Variants in MYO10 observed in about 807,000 individuals in gnomAD.
MYO10 encodes the protein unconventional myosin-X.
A neutral mutation model predicts 257.3 loss-of-function variants in MYO10; 133 were observed. That is an observed-to-expected ratio of 0.52 (90% CI 0.45 to 0.60). MYO10 has a LOEUF of 0.60. MYO10 is among the 20% of genes least tolerant of loss of function. MYO10 has a pLI of 0.00. For synonymous variants in MYO10, 1,104 were observed against 1,028.6 expected (o/e 1.07, Z -1.40); for missense variants, 2,399 against 2,635.7 (o/e 0.91, Z 1.97).
At chr5:16,795,307 G>A (rs1218235691) in intron 3 of MYO10, among the ~76,000 whole-genome samples, 2 of 152,156 alleles carry the variant, frequency 1.3e-5, no homozygotes, top group African/African-American at 2.4e-5. Flanking sequence ...GGGTGATGGG[G>A]AAGTTCTGGA....
At chr5:16,744,574 C>A (rs1480101854) in intron 19 of MYO10, among the ~76,000 whole-genome samples, 1 of 152,138 alleles carries the variant, frequency 6.6e-6, no homozygotes, top group Admixed American at 6.5e-5. Flanking sequence ...CGCAGGGCTT[C>A]CTGTGCCCTT....
chr5:16,784,472 C>T (rs969666650), intron 4 of MYO10, among the ~76,000 whole-genome samples: 7 of 152,172 alleles, frequency 4.6e-5, no homozygotes, highest in Admixed American at 4.6e-4. Context: ...ACACAGTTAA[C>T]AAGGCTGGAG....
intron 2 of MYO10, among the ~76,000 whole-genome samples, chr5:16,829,571 T>G (rs929678245): frequency 2.6e-5 from 4 of 152,144 alleles, no homozygotes; most frequent in Non-Finnish European, 5.9e-5. Flanking sequence ...ATCATAAAGC[T>G]GCTGGCAGAC....
intron 19 of MYO10, among the ~76,000 whole-genome samples, chr5:16,749,904 A>T (rs1344262254): frequency 1.3e-5 from 2 of 152,156 alleles, no homozygotes; most frequent in African/African-American, 4.8e-5. Context: ...TTAATGAGAG[A>T]CTTTTCTGCC....
At chr5:16,690,910 G>C (rs1366347148) in intron 27 of MYO10, among the ~76,000 whole-genome samples, 1 of 152,074 alleles carries the variant, frequency 6.6e-6, no homozygotes, top group East Asian at 1.9e-4. Context: ...TCAGACCAGA[G>C]ATAGTAATAC....
intron 26 of MYO10, 136 bp downstream of exon 26, chr5:16,699,314 A>G: frequency 8.4e-7 from 1 of 1,193,550 alleles, no homozygotes; most frequent in Non-Finnish European, 1.1e-6. Context: ...GGGTAGGTAG[A>G]ACGACTTTCC....
At chr5:16,914,886 G>T (rs1745772080) in intron 1 of MYO10, among the ~76,000 whole-genome samples, 1 of 152,204 alleles carries the variant, frequency 6.6e-6, no homozygotes, top group Admixed American at 6.5e-5. Flanking sequence ...GACTTTGCAA[G>T]GGTGGAACTT....
At chr5:16,720,582 T>C (rs1354127845) in intron 19 of MYO10, among the ~76,000 whole-genome samples, 1 of 152,080 alleles carries the variant, frequency 6.6e-6, no homozygotes, top group Non-Finnish European at 1.5e-5. Context: ...GCCTCCCGGG[T>C]AGCTGGGATG....
Position 16,762,072 on chromosome 5 carries a change from A to C in MYO10, c.1629T>G (p.Asn543Lys). ...FYVKPRVAVNNFGVKHYAGEV... is the reference protein window; with the variant it reads ...FYVKPRVAVNKFGVKHYAGEV... ...CTCCAGCATAGTGCTTCACTCCAAA[A>C]TTGTTAACTGCAACTCTGGGCTTCA... Residue 543 changes from asparagine (N) to lysine (K), a missense_variant, in exon 16 of 41, where the codon AAT becomes AAG. By Grantham distance (94) the Asn-to-Lys change is moderately conservative (BLOSUM62 0). Around this residue, in one of 3 missense-constraint regions of MYO10, gnomAD observed 337 missense variants for 446.8 expected, o/e 0.75. Coordinates refer to ENST00000513610, the MANE Select transcript of MYO10 (RefSeq NM_012334.3). 1 of 1,535,080 alleles carries C rather than the reference A, an allele frequency of 6.5e-7. No homozygotes were observed. Among genetic ancestry groups the C allele is most frequent in the Admixed American group, 2.1e-5 (1 of 47,378 alleles).
chr5:16,759,286 GT>G (rs1261335213), intron 17 of MYO10, among the ~76,000 whole-genome samples: 1 of 152,188 alleles, frequency 6.6e-6, no homozygotes, highest in Admixed American at 6.5e-5. Flanking sequence ...AGCTGGTGGG[GT>G]TGGTGGCTTC....
chr5:16,666,557 C>G lies in MYO10; in HGVS notation c.*135G>C, dbSNP rs935968245. On this transcript the variant is annotated 3_prime_UTR_variant, in exon 41 of 41. Coordinates refer to ENST00000513610, the MANE Select transcript of MYO10 (RefSeq NM_012334.3). ...CAGGCAAAAGGATCCTCGGAGACAC[C>G]TCCCTCAGACCAGAAGCTTCCAGAA... 4.5e-6 allele frequency: 3 copies of G among 673,708 alleles called. No homozygotes were observed. The highest frequency in any genetic ancestry group is 3.7e-5 in the African/African-American group (2 of 54,754). 41.7% of individuals were successfully genotyped at this position (673,708 alleles called of 1,614,324 possible).
At chr5:16,769,026 C>T (rs1459958966) in intron 10 of MYO10, 48 bp downstream of exon 10, 6 of 1,547,156 alleles carry the variant, frequency 3.9e-6, no homozygotes, top group Non-Finnish European at 5.2e-6. Flanking sequence ...GTTTAAGTTT[C>T]CCACGGGGAA....
At chr5:16,743,184 G>C (rs1292791793) in intron 19 of MYO10, among the ~76,000 whole-genome samples, 1 of 152,142 alleles carries the variant, frequency 6.6e-6, no homozygotes, top group East Asian at 1.9e-4. Flanking sequence ...GTACACAGAG[G>C]AAATGAGCCA....
At chr5:16,828,552 G>A (rs1743067605) in intron 2 of MYO10, among the ~76,000 whole-genome samples, 3 of 150,486 alleles carry the variant, frequency 2.0e-5, no homozygotes, top group Admixed American at 1.3e-4. Flanking sequence ...CCGAGGAGGT[G>A]CAGGTTGCAG....
chr5:16,715,749 TAAAA>T (rs965230999), intron 19 of MYO10, among the ~76,000 whole-genome samples: 2 of 152,050 alleles, frequency 1.3e-5, no homozygotes, highest in South Asian at 4.2e-4. Flanking sequence ...AAAAAGCTGT[TAAAA>T]AAATTTTTTA....
At chr5:16,704,540 G>A (rs996455705) in intron 22 of MYO10, 39 bp downstream of exon 22, 2 of 1,550,366 alleles carry the variant, frequency 1.3e-6, no homozygotes, top group African/African-American at 1.4e-5. Context: ...ACCCCCTCAT[G>A]GAGCTTCCTG....
At chr5:16,801,354 C>A (rs1742115291) in intron 3 of MYO10, among the ~76,000 whole-genome samples, 1 of 151,940 alleles carries the variant, frequency 6.6e-6, no homozygotes, top group African/African-American at 2.4e-5. Context: ...ATTACAGGCG[C>A]CCACAACCAC....
chr5:16,767,311 C>T (rs1297009251), intron 10 of MYO10, among the ~76,000 whole-genome samples: 4 of 151,558 alleles, frequency 2.6e-5, no homozygotes, highest in Non-Finnish European at 5.9e-5. Context: ...GCTAGGATTA[C>T]AGGTGCCCGC....
chr5:16,818,136 T>G lies in MYO10; in HGVS notation c.152A>C (p.His51Pro), dbSNP rs1580026723. The change falls in exon 3 of 41, where the codon CAC becomes CCC. Residue 51 changes from histidine to proline, a missense_variant. By Grantham distance (77) the His-to-Pro change is moderately conservative. Coordinates refer to ENST00000513610, the MANE Select transcript of MYO10 (RefSeq NM_012334.3). ...VFTYKQSTIT[H>P]QKVTAMHPTN... ...GGGGTGCATAGCAGTCACCTTCTGGTGGGTAATTGTGCTCTGCTTGTAAGT... is the reference window on the plus strand; with the variant it reads ...GGGGTGCATAGCAGTCACCTTCTGGGGGGTAATTGTGCTCTGCTTGTAAGT... 1.9e-6 allele frequency: 3 copies of G among 1,601,568 alleles called. No homozygotes were observed. The highest frequency in any genetic ancestry group is 4.5e-5 in the East Asian group (2 of 44,502).
Sources: allele counts gnomAD v4.1 joint callset (sites outside exome capture counted in the v4.1 genomes callset), GRCh38; gene constraint gnomAD v4.1.1; regional missense constraint gnomAD v4.1.1; transcripts MANE v1.5; gene names NCBI Gene and HGNC (gene_info 2026-07-23, HGNC 2026-07-21).